Variants in RCC2 observed in about 807,000 individuals in gnomAD.
RCC2 encodes regulator of chromosome condensation 2, also known as protein RCC2.
RCC2 carries 19 observed loss-of-function variants against 64.1 expected under a neutral mutation model. The ratio of observed to expected loss-of-function variants is 0.30; its 90% CI spans 0.21 to 0.44. The LOEUF (loss-of-function observed/expected upper bound fraction) is 0.44. Ranked by LOEUF, RCC2 falls within the 20% of genes least tolerant of loss-of-function variation. The pLI is 1.00. For synonymous variants in RCC2, 325 were observed against 279.6 expected (o/e 1.16, Z -1.62); for missense variants, 508 against 710.4 (o/e 0.72, Z 3.24).
chr1:17,416,507 T>A lies in RCC2; in HGVS notation c.999A>T (p.Arg333=). The A allele has an allele frequency of 6.2e-7, 1 of 1,613,444 alleles. No homozygotes were observed. The highest frequency in any genetic ancestry group is 1.1e-5 in the South Asian group (1 of 91,030). ...TGTGGTTAGCGCCACAGGCCACGTC[T>A]CGTACAACCACGTTTGGTACAGGCA... ...QILPVPNVVV[R]DVACGANHTL... is the part of the protein sequence containing the mutation. Residue 333 remains arginine (R), a synonymous_variant, in exon 8 of 13, where the codon CGA becomes CGT. Transcript: ENST00000375436.
intron 1 of RCC2, among the ~76,000 whole-genome samples, chr1:17,439,077 G>T (rs2075777915): frequency 6.6e-6 from 1 of 152,082 alleles, no homozygotes; most frequent in African/African-American, 2.4e-5. Context: ...CAGCTCAGGG[G>T]TGCCGACCTC....
In RCC2 at chr1:17,416,493, C is replaced by T; in HGVS notation, c.1013G>A (p.Gly338Asp). 1.2e-6 allele frequency: 2 copies of T among 1,611,472 alleles called. No individual in the cohort carries two copies. Among genetic ancestry groups the T allele is most frequent in the Non-Finnish European group, 1.7e-6 (2 of 1,178,676 alleles). The change falls in exon 8 of 13, where the codon GGC becomes GAC. Residue 338 changes from glycine (G) to aspartate (D), a missense_variant. Physicochemically the swap from Gly to Asp is moderately conservative, Grantham distance 94. Around this residue, in one of 4 missense-constraint regions of RCC2, gnomAD observed 179 missense variants for 322.0 expected, o/e 0.56. Coordinates refer to ENST00000375436, the MANE Select transcript of RCC2 (RefSeq NM_018715.4). ...GCCGAGCCTCACCGTGTGGTTAGCGCCACAGGCCACGTCTCGTACAACCAC... is the reference window on the plus strand; with the variant it reads ...GCCGAGCCTCACCGTGTGGTTAGCGTCACAGGCCACGTCTCGTACAACCAC... ...PNVVVRDVAC[G>D]ANHTLVLDSQ... is the part of the protein sequence containing the mutation.
intron 7 of RCC2, among the ~76,000 whole-genome samples, chr1:17,418,090 G>A (rs1200045479): frequency 2.0e-5 from 3 of 152,056 alleles, no homozygotes; most frequent in Non-Finnish European, 2.9e-5. Context: ...GGGGGTACTG[G>A]AAGCAATCCC....
At chr1:17,426,759 C>CTTTT (rs146347066) in intron 3 of RCC2, among the ~76,000 whole-genome samples, 50 of 110,008 alleles carry the variant, frequency 4.5e-4, no homozygotes, top group Admixed American at 6.0e-4. Flanking sequence ...TCTTACTTTT[C>CTTTT]TTTTTTTTTT....
chr1:17,430,024 G>A (rs755563603), intron 2 of RCC2, among the ~76,000 whole-genome samples: 1 of 152,210 alleles, frequency 6.6e-6, no homozygotes, highest in Non-Finnish European at 1.5e-5. Context: ...AATATTCTCA[G>A]CACTTTGCTT....
chr1:17,437,262 A>G (rs1238347143), intron 2 of RCC2, among the ~76,000 whole-genome samples: 1 of 152,128 alleles, frequency 6.6e-6, no homozygotes, highest in Non-Finnish European at 1.5e-5. Flanking sequence ...ATGGAAGGAA[A>G]AAAACCTCTC....
At chr1:17,419,345 G>GGA (rs1189892155) in intron 7 of RCC2, among the ~76,000 whole-genome samples, 1 of 152,132 alleles carries the variant, frequency 6.6e-6, no homozygotes. Flanking sequence ...GGTGACAGAG[G>GGA]GAGACTCCGT....
intron 7 of RCC2, 151 bp from the exon 8 acceptor site, chr1:17,416,797 AT>A: frequency 2.9e-6 from 2 of 680,152 alleles, no homozygotes; most frequent in Non-Finnish European, 4.7e-6. Flanking sequence ...CAAAGGCAGC[AT>A]TTCCAATCTT....
intron 2 of RCC2, among the ~76,000 whole-genome samples, chr1:17,432,500 AGGCGGAGGTTCAT>A (rs1315569283): frequency 1.3e-5 from 2 of 152,242 alleles, no homozygotes; most frequent in Admixed American, 6.5e-5. Flanking sequence ...CAGACCAGGC[AGGCGGAGGTTCAT>A]GGGCACCTGT....
chr1:17,418,448 A>G (rs1179441531), intron 7 of RCC2, among the ~76,000 whole-genome samples: 1 of 152,004 alleles, frequency 6.6e-6, no homozygotes, highest in African/African-American at 2.4e-5. Context: ...CACGAGGTCA[A>G]GAGATTGAGA....
intron 3 of RCC2, 70 bp downstream of exon 3, chr1:17,429,036 C>T: frequency 8.4e-7 from 1 of 1,187,140 alleles, no homozygotes; most frequent in Non-Finnish European, 1.3e-6. Flanking sequence ...GAATACCTAC[C>T]AGGCAGGTGG....
intron 7 of RCC2, among the ~76,000 whole-genome samples, chr1:17,419,403 AGG>A (rs2075525800): frequency 6.6e-6 from 1 of 152,160 alleles, no homozygotes; most frequent in Non-Finnish European, 1.5e-5. Context: ...ACTGCAAAAA[AGG>A]GGGCACAAGG....
At chr1:17,438,559 G>A in intron 1 of RCC2, 37 bp from the exon 2 acceptor site, 2 of 1,298,460 alleles carry the variant, frequency 1.5e-6, no homozygotes, top group Non-Finnish European at 2.0e-6. Flanking sequence ...CACAATGGAC[G>A]GGTTATAAAC....
At chr1:17,427,617 C>T (rs905132643) in intron 3 of RCC2, among the ~76,000 whole-genome samples, 2 of 152,214 alleles carry the variant, frequency 1.3e-5, no homozygotes, top group African/African-American at 2.4e-5. Context: ...GACCCTGTGC[C>T]GCAACACAGG....
intron 3 of RCC2, among the ~76,000 whole-genome samples, chr1:17,428,002 T>C (rs1376176272): frequency 6.6e-6 from 1 of 152,210 alleles, no homozygotes; most frequent in Non-Finnish European, 1.5e-5. Flanking sequence ...ACATCCAGGC[T>C]GCTGGTTTTC....
intron 2 of RCC2, among the ~76,000 whole-genome samples, chr1:17,438,012 T>G: frequency 7.0e-6 from 1 of 142,404 alleles, no homozygotes; most frequent in East Asian, 2.3e-4. Flanking sequence ...GCCCGCGCGG[T>G]GCCCGGGGTC....
At chr1:17,429,336 G>C (rs1378664934) in intron 2 of RCC2, 137 bp from the exon 3 acceptor site, 2 of 687,206 alleles carry the variant, frequency 2.9e-6, no homozygotes, top group Admixed American at 4.6e-5. Context: ...CACACGAACA[G>C]AGTCTCCCCA....
rs2075763106 is a variant in RCC2 at position 17,438,268 on chromosome 1, C to T, written c.247G>A (p.Val83Met). The T allele has an allele frequency of 2.3e-6, 3 of 1,314,398 alleles. No individual in the cohort carries two copies. The highest frequency in any genetic ancestry group is 1.7e-5 in the South Asian group (1 of 59,144). 81.4% of individuals were successfully genotyped at this position (1,314,398 alleles called of 1,614,324 possible). ...GTGTGCTCGGGTTCGGTGATGACCA[C>T]GGCCGCGCCGCCCGCCTTGCCTGCT... ...ATAGKAGGAA[V>M]VITEPEHTKE... is the part of the protein sequence containing the mutation. The change falls in exon 2 of 13, where the codon GTG (valine) becomes ATG (methionine). Residue 83 changes from valine (V) to methionine (M), a missense_variant. Physicochemically the swap from Val to Met is conservative, Grantham distance 21 (BLOSUM62 1). Transcript: ENST00000375436.
At chr1:17,431,499 C>CAAAAAAA (rs558362245) in intron 2 of RCC2, among the ~76,000 whole-genome samples, 8 of 57,880 alleles carry the variant, frequency 1.4e-4, no homozygotes, top group Non-Finnish European at 1.5e-4. Flanking sequence ...AGCCCTGTCT[C>CAAAAAAA]AAAAAAAAAA....
Sources: gnomAD v4.1 joint callset for allele counts (sites outside exome capture counted in the v4.1 genomes callset) on GRCh38, gnomAD v4.1.1 for gene constraint, gnomAD v4.1.1 regional missense constraint, MANE v1.5 for transcripts, NCBI Gene and HGNC (gene_info 2026-07-23, HGNC 2026-07-21) for gene names.